The following B3GALT1 variants were observed in gnomAD, a reference collection of about 807,000 sequenced individuals.
B3GALT1 encodes the protein UDP-Gal:betaGlcNAc beta 1,3-galactosyltransferase, polypeptide 1.
Under a neutral mutation model 23.2 loss-of-function variants are expected in B3GALT1, and 10 were observed. That is an observed-to-expected ratio of 0.43 (90% confidence interval 0.27 to 0.73). The LOEUF is 0.73. B3GALT1 is among the 30% of genes least tolerant of loss of function. The pLI is 0.21. For synonymous variants in B3GALT1, 156 were observed against 141.5 expected, an observed-to-expected ratio of 1.10 and a Z score of -0.73; for missense variants, 299 against 405.4, an observed-to-expected ratio of 0.74 and a Z score of 2.25.
chr2:167,677,019 G>C (rs1394803052), intron 3 of B3GALT1, among the ~76,000 whole-genome samples: 1 of 152,068 alleles, frequency 6.6e-6, no homozygotes, highest in Non-Finnish European at 1.5e-5. Context: ...TTTTAAGAAA[G>C]TCAAATATGT....
At chr2:167,426,193 G>T (rs567545048) in intron 1 of B3GALT1, among the ~76,000 whole-genome samples, 1 of 151,968 alleles carries the variant, frequency 6.6e-6, no homozygotes, top group East Asian at 1.9e-4. Flanking sequence ...ATTTTCCTGA[G>T]AAATTTTGTT....
chr2:167,583,365 G>A (rs77323346), intron 2 of B3GALT1, among the ~76,000 whole-genome samples: 2,391 of 152,092 alleles, frequency 0.016, 64 homozygotes, highest in African/African-American at 0.055. Context: ...TGTCATTTTC[G>A]TGATTAGAGG....
intron 4 of B3GALT1, among the ~76,000 whole-genome samples, chr2:167,821,173 A>G (rs1689097943): frequency 6.6e-6 from 1 of 152,210 alleles, no homozygotes; most frequent in African/African-American, 2.4e-5. Flanking sequence ...ATTGAATCAT[A>G]TGTAATACTG....
chr2:167,639,488 A>G (rs370386903), intron 2 of B3GALT1, among the ~76,000 whole-genome samples: 2 of 152,058 alleles, frequency 1.3e-5, no homozygotes, highest in East Asian at 3.9e-4. Context: ...AAGAAAGCCC[A>G]TTCTTTTGGG....
intron 3 of B3GALT1, among the ~76,000 whole-genome samples, chr2:167,816,915 C>T (rs2105359497): frequency 6.6e-6 from 1 of 152,334 alleles, no homozygotes; most frequent in South Asian, 2.1e-4. Context: ...ACATGGTACA[C>T]TCCCATTATT....
At chr2:167,805,685 A>C (rs1364787055) in intron 3 of B3GALT1, among the ~76,000 whole-genome samples, 1 of 152,108 alleles carries the variant, frequency 6.6e-6, no homozygotes, top group Non-Finnish European at 1.5e-5. Flanking sequence ...CCTTTGATCT[A>C]TATCTCTGTT....
At chr2:167,632,643 G>A (rs1249323290) in intron 2 of B3GALT1, among the ~76,000 whole-genome samples, 1 of 151,820 alleles carries the variant, frequency 6.6e-6, no homozygotes, top group African/African-American at 2.4e-5. Flanking sequence ...TAAAGGATTC[G>A]TTTGTTTTTT....
chr2:167,332,822 G>A (rs989878746), intron 1 of B3GALT1, among the ~76,000 whole-genome samples: 1 of 152,192 alleles, frequency 6.6e-6, no homozygotes, highest in Non-Finnish European at 1.5e-5. Flanking sequence ...ACTGTTATCA[G>A]TTAAGCAGTG....
intron 1 of B3GALT1, among the ~76,000 whole-genome samples, chr2:167,307,114 C>A (rs1559061369): frequency 6.6e-6 from 1 of 151,542 alleles, no homozygotes; most frequent in Non-Finnish European, 1.5e-5. Flanking sequence ...TTGATATATC[C>A]TAAAAAAGAT....
chr2:167,767,510 A>G (rs554472871), intron 3 of B3GALT1, among the ~76,000 whole-genome samples: 3 of 152,296 alleles, frequency 2.0e-5, no homozygotes, highest in Non-Finnish European at 4.4e-5. Context: ...ATCCTTCTTC[A>G]TGCCTCAGAC....
chr2:167,458,096 A>G (rs1699198533), intron 1 of B3GALT1, among the ~76,000 whole-genome samples: 1 of 152,144 alleles, frequency 6.6e-6, no homozygotes, highest in Non-Finnish European at 1.5e-5. Context: ...ACTAAATTCT[A>G]TACCAATTAG....
intron 1 of B3GALT1, among the ~76,000 whole-genome samples, chr2:167,299,325 A>T (rs1696407697): frequency 6.6e-6 from 1 of 152,214 alleles, no homozygotes; most frequent in Admixed American, 6.5e-5. Context: ...AAGAAGAATT[A>T]TACTAAATGT....
At chr2:167,844,385 C>T (rs1689712225) in intron 4 of B3GALT1, among the ~76,000 whole-genome samples, 1 of 152,176 alleles carries the variant, frequency 6.6e-6, no homozygotes, top group Non-Finnish European at 1.5e-5. Flanking sequence ...AAGCGGACTG[C>T]TCCTGCAGGA....
At chr2:167,835,725 GCCT>G (rs1176406018) in intron 4 of B3GALT1, among the ~76,000 whole-genome samples, 1 of 152,240 alleles carries the variant, frequency 6.6e-6, no homozygotes, top group African/African-American at 2.4e-5. Context: ...CGGGCAGACT[GCCT>G]CCTCAAGTGG....
intron 1 of B3GALT1, among the ~76,000 whole-genome samples, chr2:167,296,492 C>T (rs964910385): frequency 2.0e-5 from 3 of 151,994 alleles, no homozygotes; most frequent in Non-Finnish European, 4.4e-5. Context: ...CTCTTTCTTT[C>T]GCTCTCTCTC....
Position 167,674,055 on chromosome 2 carries a change from A to G in B3GALT1, c.-352+27089A>G, listed in dbSNP as rs1389603185. Reference sequence around the variant, plus strand: ...TGTTATTTTAATTAAATACACAACCATAGTAAATTGCAACAAGTGGTCTCA... The same window carrying G: ...TGTTATTTTAATTAAATACACAACCGTAGTAAATTGCAACAAGTGGTCTCA... On this transcript the variant is annotated intron_variant, in intron 3 of 4. Transcript: ENST00000392690. Among the ~76,000 whole-genome samples, 5 of 152,166 alleles carry G rather than the reference A, an allele frequency of 3.3e-5. No homozygotes were observed. The East Asian group carries it at 9.6e-4, about 29-fold the overall frequency.
At position 167,427,542 on chromosome 2, in the gene B3GALT1, G is replaced by A. The variant is rs79892625; in HGVS notation, c.-510-62635G>A. Among the ~76,000 whole-genome samples the A allele has an allele frequency of 4.7e-3, 722 of 152,226 alleles. 6 individuals are homozygous for A. The highest frequency in any genetic ancestry group is 0.018 in the East Asian group (93 of 5,176). On this transcript the variant is annotated intron_variant, in intron 1 of 4. Transcript: ENST00000392690. ...TTGGATACTTTCATGTAGTCTTTAT[G>A]TAATATTATTTAGAGACAGAATTTC...
chr2:167,844,608 C>G (rs566157996), intron 4 of B3GALT1, among the ~76,000 whole-genome samples: 1 of 152,306 alleles, frequency 6.6e-6, no homozygotes, highest in African/African-American at 2.4e-5. Context: ...TCGCTGGGTC[C>G]CCAAACAGGC....
At chr2:167,578,350 G>A (rs1277619696) in intron 2 of B3GALT1, among the ~76,000 whole-genome samples, 3 of 151,962 alleles carry the variant, frequency 2.0e-5, no homozygotes, top group African/African-American at 7.2e-5. Context: ...TCCCATGGCA[G>A]TAGGTTGTGC....
Sources: gnomAD v4.1 joint callset for allele counts (sites outside exome capture counted in the v4.1 genomes callset) on GRCh38, gnomAD v4.1.1 for gene constraint, MANE v1.5 for transcripts, NCBI Gene and HGNC (gene_info 2026-07-23, HGNC 2026-07-21) for gene names.